RAB31: variants seen among roughly 807,000 people sequenced by gnomAD.
RAB31 encodes the protein RAB31, member RAS oncogene family, also known as ras-related protein Rab-31.
RAB31 carries 21 observed loss-of-function variants against 25.6 expected under a neutral mutation model. That is an observed-to-expected ratio of 0.82 (90% CI 0.58 to 1.18). The LOEUF is 1.18. RAB31 is among the 50% of genes most tolerant of loss of function. The probability of loss-of-function intolerance (pLI) is 0.00; values close to 1 mark genes in which losing one functional copy is unlikely to be tolerated. For synonymous variants in RAB31, 87 were observed against 84.0 expected (o/e 1.04, Z -0.20); for missense variants, 196 against 250.1 (o/e 0.78, Z 1.46).
At chr18:9,855,688 A>G (rs967912849) in intron 6 of RAB31, among the ~76,000 whole-genome samples, 1 of 152,066 alleles carries the variant, frequency 6.6e-6, no homozygotes, top group East Asian at 1.9e-4. Flanking sequence ...TGCCGGCCTC[A>G]TTGTTATGAT....
intron 2 of RAB31, among the ~76,000 whole-genome samples, chr18:9,777,444 T>A (rs1369237876): frequency 6.6e-6 from 1 of 152,162 alleles, no homozygotes; most frequent in East Asian, 1.9e-4. Context: ...CGGAAAAAAG[T>A]GTTTACTTGC....
intron 1 of RAB31, among the ~76,000 whole-genome samples, chr18:9,763,672 G>C (rs947922887): frequency 6.6e-6 from 1 of 151,236 alleles, no homozygotes; most frequent in Admixed American, 6.6e-5. Context: ...TAGGATAGAA[G>C]AGACTTAATG....
chr18:9,743,980 G>T (rs2068192976), intron 1 of RAB31, among the ~76,000 whole-genome samples: 1 of 152,240 alleles, frequency 6.6e-6, no homozygotes. Context: ...TGTAGGCGCA[G>T]TGGGTGCTTT....
At chr18:9,780,717 A>G (rs572978253) in intron 2 of RAB31, among the ~76,000 whole-genome samples, 5 of 152,284 alleles carry the variant, frequency 3.3e-5, no homozygotes, top group Non-Finnish European at 5.9e-5. Context: ...GATCACCTGA[A>G]GTCGGGAGTT....
At chr18:9,712,264 A>C (rs2145451527) in intron 1 of RAB31, among the ~76,000 whole-genome samples, 1 of 152,212 alleles carries the variant, frequency 6.6e-6, no homozygotes, top group East Asian at 1.9e-4. Flanking sequence ...ACCTGTTATA[A>C]ATTCTTGGCT....
chr18:9,717,408 G>A (rs1459013721), intron 1 of RAB31, among the ~76,000 whole-genome samples: 10 of 152,114 alleles, frequency 6.6e-5, no homozygotes, highest in Non-Finnish European at 1.5e-5. Flanking sequence ...TAGGAGACTC[G>A]AGTTATCAGA....
At chr18:9,726,634 C>T (rs11081496) in intron 1 of RAB31, among the ~76,000 whole-genome samples, 109,724 of 152,048 alleles carry the variant, frequency 0.72, 39,812 homozygotes, top group African/African-American at 0.76. Context: ...CTGAGCTGTT[C>T]TCTTTATATA....
At chr18:9,772,050 G>A (rs1335769503) in intron 1 of RAB31, among the ~76,000 whole-genome samples, 1 of 152,222 alleles carries the variant, frequency 6.6e-6, no homozygotes, top group Non-Finnish European at 1.5e-5. Context: ...GCTGAACATT[G>A]AGCATTGTCA....
At chr18:9,845,439 G>T in intron 5 of RAB31, 143 bp from the exon 6 acceptor site, 1 of 660,078 alleles carries the variant, frequency 1.5e-6, no homozygotes, top group Non-Finnish European at 2.4e-6. Context: ...CTCATACTAG[G>T]TGTCCATTCT....
At chr18:9,773,794 G>T (rs2068357823) in intron 1 of RAB31, among the ~76,000 whole-genome samples, 1 of 152,122 alleles carries the variant, frequency 6.6e-6, no homozygotes, top group African/African-American at 2.4e-5. Flanking sequence ...AAGTAGCTGG[G>T]ACTACAGGCC....
intron 1 of RAB31, chr18:9,774,923 C>G (rs752817733): frequency 1.9e-6 from 1 of 523,460 alleles, no homozygotes. Context: ...CTGTTTCTGC[C>G]CAAACAATGT....
At chr18:9,779,761 C>T (rs192669430) in intron 2 of RAB31, among the ~76,000 whole-genome samples, 19 of 152,272 alleles carry the variant, frequency 1.2e-4, no homozygotes, top group Admixed American at 5.2e-4. Context: ...GTTGGGTTTC[C>T]GAGTCTTGCA....
chr18:9,782,130 G>A (rs183813258), intron 2 of RAB31, among the ~76,000 whole-genome samples: 199 of 152,330 alleles, frequency 1.3e-3, no homozygotes, highest in African/African-American at 3.8e-3. Context: ...TTCCCGCTAG[G>A]TATTGTTACT....
intron 3 of RAB31, among the ~76,000 whole-genome samples, chr18:9,810,741 A>T (rs1489632970): frequency 1.3e-5 from 2 of 152,074 alleles, no homozygotes; most frequent in Non-Finnish European, 2.9e-5. Flanking sequence ...CTTAGAAGAC[A>T]CCCGCAGTTT....
At chr18:9,756,759 A>G (rs2068262106) in intron 1 of RAB31, among the ~76,000 whole-genome samples, 1 of 152,222 alleles carries the variant, frequency 6.6e-6, no homozygotes, top group Admixed American at 6.5e-5. Flanking sequence ...CTCAATAAAA[A>G]TGCAGCAAAT....
chr18:9,843,543 C>T (rs1479555772), intron 5 of RAB31, among the ~76,000 whole-genome samples: 5 of 68,416 alleles, frequency 7.3e-5, no homozygotes, highest in East Asian at 4.2e-4. Context: ...AAGACACTGT[C>T]AAAAAAAAAA....
At chr18:9,844,267 C>A in intron 5 of RAB31, among the ~76,000 whole-genome samples, 1 of 152,148 alleles carries the variant, frequency 6.6e-6, no homozygotes, top group East Asian at 1.9e-4. Flanking sequence ...GACATTCTCT[C>A]CATTCGGGCC....
In RAB31 at chr18:9,763,877, C is replaced by A. The variant is rs564411326; in HGVS notation, c.40-11401C>A. 8.6e-4 allele frequency among the ~76,000 whole-genome samples: 131 copies of A among 152,166 alleles called. 2 individuals are homozygous for A. The Middle Eastern group carries it at 0.017, about 20-fold the overall frequency. On this transcript the variant is annotated intron_variant, in intron 1 of 6. Transcript: ENST00000578921. ...ATGGCAGTTTTATGAGAGTCCAAAT[C>A]CACTAGGCCTTTTGTTCACCAAAGC...
At chr18:9,765,713 G>C (rs903893663) in intron 1 of RAB31, among the ~76,000 whole-genome samples, 5 of 152,116 alleles carry the variant, frequency 3.3e-5, no homozygotes, top group African/African-American at 9.7e-5. Flanking sequence ...AAGTACTTCC[G>C]ATCTCTTTGA....
Sources: allele counts gnomAD v4.1 joint callset (sites outside exome capture counted in the v4.1 genomes callset), GRCh38; gene constraint gnomAD v4.1.1; transcripts MANE v1.5; gene names NCBI Gene and HGNC (gene_info 2026-07-23, HGNC 2026-07-21).